The following SS18 variants were observed in gnomAD, a reference collection of about 807,000 sequenced individuals.
SS18 encodes the protein SS18 subunit of BAF chromatin remodeling complex.
A neutral mutation model predicts 72.5 loss-of-function variants in SS18; 28 were observed. The ratio of observed to expected loss-of-function variants is 0.39; its 90% CI spans 0.29 to 0.53. The LOEUF is 0.53. Ranked by LOEUF, SS18 falls within the 20% of genes least tolerant of loss-of-function variation. The pLI, the probability that SS18 is intolerant of heterozygous loss-of-function variation, is 0.76. For synonymous variants in SS18, 172 were observed against 164.2 expected (o/e 1.05, Z -0.37); for missense variants, 518 against 535.3 (o/e 0.97, Z 0.32).
chr18:26,074,151 C>A (rs1353268534), intron 3 of SS18, among the ~76,000 whole-genome samples: 3 of 152,004 alleles, frequency 2.0e-5, no homozygotes, highest in Admixed American at 2.0e-4. Context: ...AACTGTTTAA[C>A]TCAGTAAACT....
intron 3 of SS18, among the ~76,000 whole-genome samples, chr18:26,060,554 T>C (rs990990839): frequency 6.7e-6 from 1 of 149,712 alleles, no homozygotes; most frequent in Admixed American, 6.8e-5. Flanking sequence ...TTATATAAAC[T>C]GTATCTCAAT....
At chr18:26,036,378 TGAAA>T (rs1016033627) in intron 7 of SS18, among the ~76,000 whole-genome samples, 1 of 152,174 alleles carries the variant, frequency 6.6e-6, no homozygotes, top group African/African-American at 2.4e-5. Flanking sequence ...GTTTTTCCCC[TGAAA>T]GAAACTGAAA....
chr18:26,078,172 A>C lies in SS18; in HGVS notation c.147-12T>G. Reference sequence around the variant, plus strand: ...ACATCTGCTGATACCTATTAAAACAAAACAAGTATCAGTATTAAAAAATAA... The same window carrying C: ...ACATCTGCTGATACCTATTAAAACACAACAAGTATCAGTATTAAAAAATAA... On this transcript the variant is annotated splice_polypyrimidine_tract_variant and intron_variant, in intron 2 of 10. Transcript: ENST00000415083. 1 of 1,592,502 alleles carries C rather than the reference A, an allele frequency of 6.3e-7. No homozygotes were observed.
chr18:26,084,425 T>C (rs2144178003), intron 2 of SS18, among the ~76,000 whole-genome samples: 1 of 152,288 alleles, frequency 6.6e-6, no homozygotes, highest in East Asian at 1.9e-4. Flanking sequence ...CTAAAATTAG[T>C]GTGTTGAAGT....
At chr18:26,065,054 C>A (rs1456517287) in intron 3 of SS18, among the ~76,000 whole-genome samples, 1 of 152,062 alleles carries the variant, frequency 6.6e-6, no homozygotes, top group Non-Finnish European at 1.5e-5. Flanking sequence ...TACCTCTACA[C>A]TGAAATACTG....
intron 5 of SS18, among the ~76,000 whole-genome samples, chr18:26,045,264 T>A (rs2053800677): frequency 1.3e-5 from 2 of 152,160 alleles, no homozygotes; most frequent in Non-Finnish European, 2.9e-5. Context: ...CAGCAGTATA[T>A]CTCCTTCCAC....
At chr18:26,049,891 T>C (rs1169961222) in intron 5 of SS18, among the ~76,000 whole-genome samples, 1 of 151,482 alleles carries the variant, frequency 6.6e-6, no homozygotes, top group African/African-American at 2.4e-5. Context: ...CATGGGAAAA[T>C]ATATGTTGGA....
At chr18:26,026,045 T>C (rs2053439766) in intron 10 of SS18, among the ~76,000 whole-genome samples, 1 of 152,192 alleles carries the variant, frequency 6.6e-6, no homozygotes, top group South Asian at 2.1e-4. Context: ...TTACTGGAAG[T>C]AGAATTTCTA....
intron 7 of SS18, among the ~76,000 whole-genome samples, chr18:26,036,867 T>G (rs9946487): frequency 6.6e-6 from 1 of 152,234 alleles, no homozygotes; most frequent in East Asian, 1.9e-4. Flanking sequence ...GTAAATAAAA[T>G]TTTATTGGAA....
chr18:26,070,864 A>G (rs2054299011), intron 3 of SS18, among the ~76,000 whole-genome samples: 1 of 152,190 alleles, frequency 6.6e-6, no homozygotes, highest in African/African-American at 2.4e-5. Flanking sequence ...GTTTTTTCAG[A>G]CTCAAGTATC....
rs1364767172 is a variant in SS18, at chr18:26,032,452, T to C, written c.1177A>G (p.Thr393Ala). 6.2e-7 allele frequency: 1 copy of C among 1,613,916 alleles called. No individual in the cohort carries two copies. Among genetic ancestry groups the C allele is most frequent in the Non-Finnish European group, 8.5e-7 (1 of 1,179,886 alleles). ...GGTGGCTGTGGTGGTCCAGGCTGTGTTGGTCTATATCCTCCATACTGCTGA... is the reference window on the plus strand; with the variant it reads ...GGTGGCTGTGGTGGTCCAGGCTGTGCTGGTCTATATCCTCCATACTGCTGA... ...QGQQYGGYRP[T>A]QPGPPQPPQQ... is the part of the protein sequence containing the mutation. The change falls in exon 10 of 11, where the codon ACA becomes GCA. Residue 393 changes from threonine to alanine, a missense_variant. Thr to Ala is a moderately conservative substitution (Grantham distance 58). Transcript: ENST00000415083.
intron 3 of SS18, among the ~76,000 whole-genome samples, chr18:26,070,934 G>A (rs1290175259): frequency 6.6e-6 from 1 of 152,012 alleles, no homozygotes; most frequent in Admixed American, 6.6e-5. Flanking sequence ...TAAAATGCCA[G>A]AGCAGATCTA....
intron 3 of SS18, among the ~76,000 whole-genome samples, chr18:26,062,564 A>C (rs1444691588): frequency 6.6e-6 from 1 of 152,222 alleles, no homozygotes; most frequent in East Asian, 1.9e-4. Flanking sequence ...TCTACATTAA[A>C]TGTAAATGGA....
chr18:26,077,030 C>G (rs1254403997), intron 3 of SS18, among the ~76,000 whole-genome samples: 1 of 151,874 alleles, frequency 6.6e-6, no homozygotes, highest in Non-Finnish European at 1.5e-5. Context: ...AAAATAATTA[C>G]AGCTAATAAA....
At chr18:26,066,424 A>G (rs1183663812) in intron 3 of SS18, among the ~76,000 whole-genome samples, 1 of 152,066 alleles carries the variant, frequency 6.6e-6, no homozygotes, top group Non-Finnish European at 1.5e-5. Context: ...AATCTCTGAT[A>G]TTTCCCTTCA....
At chr18:26,028,172 T>C (rs1438001771) in intron 10 of SS18, among the ~76,000 whole-genome samples, 1 of 151,996 alleles carries the variant, frequency 6.6e-6, no homozygotes, top group Admixed American at 6.6e-5. Flanking sequence ...AAAGAAGAAA[T>C]ATAGGTAGCA....
At chr18:26,068,344 A>G (rs2054255421) in intron 3 of SS18, 1 of 152,176 alleles carries the variant, frequency 6.6e-6, no homozygotes, top group Non-Finnish European at 1.5e-5. Context: ...AGCAAGGTAT[A>G]TATTTATATT....
At chr18:26,075,227 C>G (rs2054390809) in intron 3 of SS18, among the ~76,000 whole-genome samples, 1 of 151,838 alleles carries the variant, frequency 6.6e-6, no homozygotes, top group Admixed American at 6.6e-5. Flanking sequence ...TTTTATAAAG[C>G]TAGCATAGCC....
rs759980286 is a variant in SS18 at position 26,057,683 on chromosome 18, T to C, written c.291A>G (p.Pro97=). The change falls in exon 4 of 11, where the codon CCA becomes CCG. Residue 97 remains proline (P), a synonymous_variant. Coordinates refer to ENST00000415083, the MANE Select transcript of SS18 (RefSeq NM_001007559.3). ...AAGGCATGTTGTGAGAGCGTGGAGGTGGGGGAGGGCCGCTCTGATTCATCC... is the reference window on the plus strand; with the variant it reads ...AAGGCATGTTGTGAGAGCGTGGAGGCGGGGGAGGGCCGCTCTGATTCATCC... The part of the protein sequence containing the change: ...PGGMNQSGPP[P]PPRSHNMPSD... The C allele has an allele frequency of 3.7e-6, 6 of 1,613,842 alleles. No individual in the cohort carries two copies. Among genetic ancestry groups the C allele is most frequent in the Non-Finnish European group, 4.2e-6 (5 of 1,179,962 alleles).
Sources: gnomAD v4.1 joint callset for allele counts (sites outside exome capture counted in the v4.1 genomes callset) on GRCh38, gnomAD v4.1.1 for gene constraint, MANE v1.5 for transcripts, NCBI Gene and HGNC (gene_info 2026-07-23, HGNC 2026-07-21) for gene names.